Variants in ACOXL observed in about 807,000 individuals in gnomAD.
The protein encoded by ACOXL is acyl-CoA oxidase like.
Under a neutral mutation model 71.9 loss-of-function variants are expected in ACOXL, and 70 were observed. The observed-to-expected ratio is 0.97, with a 90% CI of 0.80 to 1.19. The LOEUF (loss-of-function observed/expected upper bound fraction) is 1.19, where lower values mean the gene tolerates loss of function less well. ACOXL is among the 50% of genes most tolerant of loss of function. ACOXL has a pLI of 0.00. For missense variants in ACOXL, 703 were observed against 736.3 expected, an observed-to-expected ratio of 0.95 and a Z score of 0.52; for synonymous variants, 253 against 281.6, an observed-to-expected ratio of 0.90 and a Z score of 1.02.
At chr2:110,885,422 A>T (rs1697159778) in intron 10 of ACOXL, among the ~76,000 whole-genome samples, 1 of 152,090 alleles carries the variant, frequency 6.6e-6, no homozygotes, top group Non-Finnish European at 1.5e-5. Flanking sequence ...CATGTATCAG[A>T]ATTTCTTTTT....
At chr2:110,811,519 G>A (rs1201544241) in intron 9 of ACOXL, among the ~76,000 whole-genome samples, 2 of 152,130 alleles carry the variant, frequency 1.3e-5, no homozygotes, top group Non-Finnish European at 2.9e-5. Context: ...ATAAGGCAAA[G>A]CTGACCGATG....
chr2:110,789,996 TC>T (rs1272785838), intron 3 of ACOXL, among the ~76,000 whole-genome samples: 9 of 152,214 alleles, frequency 5.9e-5, no homozygotes, highest in Non-Finnish European at 1.2e-4. Context: ...CTCTAGGACT[TC>T]CCAGCCACAC....
At chr2:111,028,316 C>G (rs2065108469) in intron 14 of ACOXL, among the ~76,000 whole-genome samples, 1 of 151,924 alleles carries the variant, frequency 6.6e-6, no homozygotes, top group South Asian at 2.1e-4. Flanking sequence ...CAGGGTCTCA[C>G]TGTGTCACCC....
At chr2:110,766,302 A>G (rs1681058325) in intron 1 of ACOXL, among the ~76,000 whole-genome samples, 1 of 152,130 alleles carries the variant, frequency 6.6e-6, no homozygotes, top group Admixed American at 6.5e-5. Context: ...GTTGCTCAAG[A>G]TTGATTGAAT....
intron 8 of ACOXL, among the ~76,000 whole-genome samples, chr2:110,802,735 A>G (rs75246247): frequency 0.012 from 1,858 of 152,284 alleles, 42 homozygotes; most frequent in African/African-American, 0.043. Flanking sequence ...TGGGAAAGGT[A>G]GGGAGGAGGA....
chr2:111,031,764 C>T lies in ACOXL; in HGVS notation c.1369+50C>T, dbSNP rs776590011. On this transcript the variant is annotated intron_variant, in intron 15 of 17. Transcript: ENST00000439055. ...TGTAATTGAGTGACTCAGGGGTCTACGGGTCCCTGGAGACACAGCTCTGCA... is the reference window on the plus strand; with the variant it reads ...TGTAATTGAGTGACTCAGGGGTCTATGGGTCCCTGGAGACACAGCTCTGCA... The T allele has an allele frequency of 1.7e-5, 26 of 1,557,082 alleles. No homozygotes were observed. The African/African-American group carries it at 1.8e-4, about 11-fold the overall frequency.
Position 110,798,642 on chromosome 2 carries a change from G to A in ACOXL, c.378G>A (p.Ala126=), listed in dbSNP as rs765677165. ...EFVIDTPCEN[A]EKMYIGNAMY... ...TAATTGACACGCCGTGTGAAAATGC[G>A]GAGAAGATGTATATTGGAAATGCCA... Residue 126 remains alanine (A), a synonymous_variant, in exon 6 of 18, where the codon GCG becomes GCA. Coordinates refer to ENST00000439055, the MANE Select transcript of ACOXL (RefSeq NM_001142807.4). The A allele has an allele frequency of 1.6e-5, 26 of 1,614,040 alleles. No homozygotes were observed. In the Middle Eastern group the frequency reaches 6.6e-4, roughly 41 times the overall value.
chr2:110,905,520 C>T (rs746774636), intron 10 of ACOXL, among the ~76,000 whole-genome samples: 6 of 152,114 alleles, frequency 3.9e-5, no homozygotes, highest in Non-Finnish European at 7.4e-5. Flanking sequence ...TTCATAGACT[C>T]ACATAGAATG....
At chr2:110,744,121 G>A (rs917595751) in intron 1 of ACOXL, among the ~76,000 whole-genome samples, 4 of 152,182 alleles carry the variant, frequency 2.6e-5, no homozygotes, top group South Asian at 4.1e-4. Flanking sequence ...GAGAAAGAGA[G>A]AGAGAGAGAA....
rs1183914057 is a variant in ACOXL, at chr2:110,915,426, A to ATT, written c.905+6522_905+6523insTT. Among the ~76,000 whole-genome samples the ATT allele has an allele frequency of 1.2e-3, 99 of 80,200 alleles. 1 individual carries two copies. Among genetic ancestry groups the ATT allele is most frequent in the East Asian group, 0.01 (26 of 2,502 alleles). The allele number at this position is 80,200 out of a possible 152,430, so 52.6% of individuals were successfully genotyped here. On this transcript the variant is annotated intron_variant, in intron 11 of 17. Transcript: ENST00000439055. ...TATATACATATATATATATATATAT[A>ATT]TATTTTTTTTTTTTTGAGATGGAGT...
intron 10 of ACOXL, among the ~76,000 whole-genome samples, chr2:110,858,608 G>A (rs1693562636): frequency 6.6e-6 from 1 of 152,240 alleles, no homozygotes; most frequent in South Asian, 2.1e-4. Context: ...GAGAGTGTCT[G>A]TATGCACCAG....
intron 8 of ACOXL, among the ~76,000 whole-genome samples, chr2:110,803,332 A>G (rs1014419886): frequency 7.2e-5 from 11 of 152,262 alleles, no homozygotes; most frequent in Admixed American, 5.2e-4. Context: ...TATATGTACA[A>G]TGGAATAGAA....
At chr2:110,943,519 G>C (rs547728033) in intron 12 of ACOXL, among the ~76,000 whole-genome samples, 1 of 152,250 alleles carries the variant, frequency 6.6e-6, no homozygotes, top group East Asian at 1.9e-4. Context: ...ACCTGGGGAA[G>C]CTTCCCCAAG....
intron 16 of ACOXL, among the ~76,000 whole-genome samples, chr2:111,091,945 T>C (rs1011991577): frequency 6.6e-6 from 1 of 152,210 alleles, no homozygotes; most frequent in African/African-American, 2.4e-5. Flanking sequence ...TGATAAGCCA[T>C]AGAAGGCAAA....
intron 10 of ACOXL, among the ~76,000 whole-genome samples, 160 bp from the exon 11 acceptor site, chr2:110,908,629 A>G (rs1040985292): frequency 2.0e-5 from 3 of 152,228 alleles, no homozygotes; most frequent in Admixed American, 6.5e-5. Context: ...TTCCTCAGAA[A>G]CTTAGGCTGT....
At chr2:110,900,042 A>G (rs1372543184) in intron 10 of ACOXL, among the ~76,000 whole-genome samples, 1 of 151,388 alleles carries the variant, frequency 6.6e-6, no homozygotes, top group East Asian at 1.9e-4. Flanking sequence ...GGGGAACATA[A>G]AAGGTGCAGG....
intron 10 of ACOXL, among the ~76,000 whole-genome samples, chr2:110,846,633 G>A (rs905633611): frequency 1.5e-4 from 9 of 61,964 alleles, no homozygotes; most frequent in African/African-American, 4.7e-4. Flanking sequence ...ATGCAAGTAT[G>A]CATACACGCA....
chr2:111,014,414 A>G (rs962928138), intron 14 of ACOXL, among the ~76,000 whole-genome samples: 1 of 152,218 alleles, frequency 6.6e-6, no homozygotes, highest in African/African-American at 2.4e-5. Context: ...TTTAATAGTA[A>G]AACCAAAACA....
rs140153764 is a variant in ACOXL, at chr2:110,927,410, C to T, written c.906-6079C>T. On this transcript the variant is annotated intron_variant, in intron 11 of 17. Transcript: ENST00000439055. ...ACCTGCTGGGCCTTCCCACTTCCAC[C>T]CCACCCACACCTCTCTGTCCTCTAC... Among the ~76,000 whole-genome samples, 148 of 152,316 alleles carry T rather than the reference C, an allele frequency of 9.7e-4. 1 individual carries two copies. The highest frequency in any genetic ancestry group is 3.4e-3 in the African/African-American group (141 of 41,562).
Sources: gnomAD v4.1 joint callset for allele counts (sites outside exome capture counted in the v4.1 genomes callset) on GRCh38, gnomAD v4.1.1 for gene constraint, MANE v1.5 for transcripts, NCBI Gene and HGNC (gene_info 2026-07-23, HGNC 2026-07-21) for gene names.